ATP6V0A4: variants seen among roughly 807,000 people sequenced by gnomAD.
ATP6V0A4 encodes the protein V-type proton ATPase 116 kDa subunit a 4.
In ATP6V0A4, 86 loss-of-function variants were observed where a neutral mutation model predicts 107.3. The ratio of observed to expected loss-of-function variants is 0.80; its 90% CI spans 0.67 to 0.96. The LOEUF is 0.96. ATP6V0A4 is among the 40% of genes least tolerant of loss of function. The pLI, the probability that ATP6V0A4 is intolerant of heterozygous loss-of-function variation, is 0.00. For synonymous variants in ATP6V0A4, 353 were observed against 381.4 expected (o/e 0.93, Z 0.87); for missense variants, 908 against 1,045.6 (o/e 0.87, Z 1.81).
chr7:138,746,037 A>C (rs1805935405), intron 13 of ATP6V0A4, among the ~76,000 whole-genome samples: 1 of 141,412 alleles, frequency 7.1e-6, no homozygotes, highest in Admixed American at 7.5e-5. Flanking sequence ...TATATTTATA[A>C]TATATATTAT....
rs529604419 is a variant in ATP6V0A4 at position 138,776,700 on chromosome 7, T to C, written c.-17-5436A>G. 7.9e-5 allele frequency among the ~76,000 whole-genome samples: 12 copies of C among 152,148 alleles called. No homozygotes were observed. The South Asian group carries it at 2.1e-3, about 26-fold the overall frequency. On this transcript the variant is annotated intron_variant, in intron 2 of 21. Transcript: ENST00000310018. Reference sequence around the variant, plus strand: ...ACTCAGGAACATGTGGAGAAAAGAGTACACGTACCTAATGGTTAAGAGCAG... The same window carrying C: ...ACTCAGGAACATGTGGAGAAAAGAGCACACGTACCTAATGGTTAAGAGCAG...
In ATP6V0A4 at chr7:138,752,984, T is replaced by C. The variant is rs1352559748; in HGVS notation, c.817-147A>G. ...GTGGCTGTCACCTGGCCTTGAACTC[T>C]CCTGAGCAGTTTATCTCCCCCGCTA... On this transcript the variant is annotated intron_variant, in intron 10 of 21. Transcript: ENST00000310018. 2.1e-6 allele frequency: 3 copies of C among 1,446,714 alleles called. No individual in the cohort carries two copies. In the East Asian group the frequency reaches 7.4e-5, roughly 36 times the overall value. 89.6% of individuals were successfully genotyped at this position (1,446,714 alleles called of 1,614,324 possible).
intron 15 of ATP6V0A4, among the ~76,000 whole-genome samples, chr7:138,738,927 A>C (rs978317732): frequency 7.2e-5 from 11 of 152,192 alleles, no homozygotes; most frequent in Non-Finnish European, 1.5e-4. Context: ...GGCAGCATGC[A>C]CTGGGCCAAT....
intron 2 of ATP6V0A4, among the ~76,000 whole-genome samples, chr7:138,779,350 A>G (rs1240954930): frequency 6.6e-6 from 1 of 151,236 alleles, no homozygotes; most frequent in Non-Finnish European, 1.5e-5. Context: ...CCTATCTTAA[A>G]AAAAAATAAA....
At chr7:138,771,516 C>G (rs1807390572) in intron 2 of ATP6V0A4, among the ~76,000 whole-genome samples, 1 of 151,790 alleles carries the variant, frequency 6.6e-6, no homozygotes, top group South Asian at 2.1e-4. Context: ...ATCCACCCAT[C>G]TCAGCCTCCT....
At chr7:138,795,192 G>A (rs1226429214) in intron 1 of ATP6V0A4, among the ~76,000 whole-genome samples, 8 of 152,196 alleles carry the variant, frequency 5.3e-5, no homozygotes, top group South Asian at 2.1e-4. Flanking sequence ...CTGAGCCACC[G>A]TGCCTGGCCC....
intron 2 of ATP6V0A4, among the ~76,000 whole-genome samples, chr7:138,783,462 C>T (rs546596814): frequency 2.6e-5 from 4 of 152,064 alleles, no homozygotes; most frequent in Non-Finnish European, 5.9e-5. Context: ...GCACATGGCT[C>T]ATGTCTGAAT....
intron 19 of ATP6V0A4, among the ~76,000 whole-genome samples, chr7:138,718,669 TTC>T (rs535535828): frequency 0.076 from 180 of 2,358 alleles, 14 homozygotes; most frequent in East Asian, 0.3. Context: ...CAGGAAGGAA[TTC>T]GGGGCGGGGG....
intron 3 of ATP6V0A4, 77 bp downstream of exon 3, chr7:138,771,054 C>A (rs747686444): frequency 8.8e-5 from 121 of 1,367,618 alleles, no homozygotes; most frequent in Non-Finnish European, 1.2e-4. Context: ...TTATTGTTCA[C>A]CATAAAGAAG....
intron 18 of ATP6V0A4, among the ~76,000 whole-genome samples, chr7:138,727,991 A>G (rs1804803185): frequency 6.6e-6 from 1 of 152,188 alleles, no homozygotes; most frequent in African/African-American, 2.4e-5. Flanking sequence ...ACCTAATTGA[A>G]TTTGTTTACT....
chr7:138,784,690 T>C (rs6969451), intron 2 of ATP6V0A4, among the ~76,000 whole-genome samples: 5,447 of 152,284 alleles, frequency 0.036, 118 homozygotes, highest in African/African-American at 0.057. Context: ...AAATTCAGCA[T>C]TCGGTCTTGA....
At chr7:138,718,679 G>GT (rs1562981226) in intron 19 of ATP6V0A4, among the ~76,000 whole-genome samples, 1 of 39,752 alleles carries the variant, frequency 2.5e-5, no homozygotes, top group Non-Finnish European at 5.2e-5. Flanking sequence ...TTCGGGGCGG[G>GT]GGGGGGGGGT....
intron 18 of ATP6V0A4, among the ~76,000 whole-genome samples, chr7:138,724,373 C>T (rs969502800): frequency 6.6e-6 from 1 of 152,142 alleles, no homozygotes; most frequent in Non-Finnish European, 1.5e-5. Context: ...ATCATGAGGG[C>T]CTTGTATGTG....
chr7:138,751,512 C>T (rs1436451345), intron 11 of ATP6V0A4, among the ~76,000 whole-genome samples: 1 of 151,286 alleles, frequency 6.6e-6, no homozygotes, highest in African/African-American at 2.4e-5. Flanking sequence ...CCATCCTGCC[C>T]CTCGCCGTCC....
intron 2 of ATP6V0A4, among the ~76,000 whole-genome samples, chr7:138,783,773 G>A (rs11974755): frequency 0.047 from 7,226 of 152,208 alleles, 234 homozygotes; most frequent in Non-Finnish European, 0.062. Flanking sequence ...TCTTACCCAT[G>A]ATGTATATCT....
chr7:138,744,720 G>A (rs1584918827), intron 14 of ATP6V0A4, among the ~76,000 whole-genome samples: 1 of 147,962 alleles, frequency 6.8e-6, no homozygotes, highest in Admixed American at 6.7e-5. Flanking sequence ...TTTTTTTTTT[G>A]GAGATGGAGT....
At chr7:138,749,419 C>A (rs758610007) in intron 11 of ATP6V0A4, 102 bp from the exon 12 acceptor site, 74 of 1,385,688 alleles carry the variant, frequency 5.3e-5, no homozygotes, top group Non-Finnish European at 7.2e-5. Context: ...CCTCACTGAG[C>A]GAACTTGGGG....
At chr7:138,722,942 C>CTGTA (rs1804503349) in intron 18 of ATP6V0A4, among the ~76,000 whole-genome samples, 1 of 150,550 alleles carries the variant, frequency 6.6e-6, no homozygotes, top group South Asian at 2.1e-4. Context: ...CCTGTAATCC[C>CTGTA]AGCTACTCGG....
At chr7:138,744,287 G>T (rs916294507) in intron 14 of ATP6V0A4, among the ~76,000 whole-genome samples, 1 of 150,438 alleles carries the variant, frequency 6.6e-6, no homozygotes, top group Non-Finnish European at 1.5e-5. Flanking sequence ...GCCCAGGCTG[G>T]AGTGCAATGG....
Sources: allele counts gnomAD v4.1 joint callset (sites outside exome capture counted in the v4.1 genomes callset), GRCh38; gene constraint gnomAD v4.1.1; transcripts MANE v1.5; gene names NCBI Gene and HGNC (gene_info 2026-07-23, HGNC 2026-07-21).